Variants in PTPRD observed in about 807,000 individuals in gnomAD.
PTPRD encodes the protein receptor-type tyrosine-protein phosphatase delta.
Under a neutral mutation model 214.5 loss-of-function variants are expected in PTPRD, and 34 were observed. The observed-to-expected ratio is 0.16, with a 90% CI of 0.12 to 0.21. PTPRD has a LOEUF of 0.21. Among genes scored for constraint, PTPRD ranks in the 10% least tolerant of loss-of-function variants. PTPRD has a pLI of 1.00. For missense variants in PTPRD, 2,545 were observed against 2,398.7 expected (o/e 1.06, Z -1.27); for synonymous variants, 1,128 against 845.7 (o/e 1.33, Z -5.79).
At chr9:8,329,598 G>A (rs191130104) in intron 44 of PTPRD, among the ~76,000 whole-genome samples, 199 of 152,284 alleles carry the variant, frequency 1.3e-3, no homozygotes, top group African/African-American at 4.7e-3. Context: ...GTTTACGTCT[G>A]CTGAAGCTGT....
chr9:10,111,723 T>C (rs1591466278), intron 3 of PTPRD, among the ~76,000 whole-genome samples: 1 of 152,220 alleles, frequency 6.6e-6, no homozygotes, highest in Admixed American at 6.5e-5. Flanking sequence ...AAAAATATCA[T>C]GGATTTTATA....
chr9:9,222,718 A>C (rs73388853), intron 9 of PTPRD, among the ~76,000 whole-genome samples: 10,447 of 152,104 alleles, frequency 0.069, 401 homozygotes, highest in African/African-American at 0.095. Flanking sequence ...TATTAGCATT[A>C]GGAGATCACT....
chr9:8,485,990 C>T lies in PTPRD; in HGVS notation c.2827G>A (p.Val943Ile), dbSNP rs2135935140. 1 of 1,614,176 alleles carries T rather than the reference C, an allele frequency of 6.2e-7. No homozygotes were observed. Among genetic ancestry groups the T allele is most frequent in the Non-Finnish European group, 8.5e-7 (1 of 1,180,032 alleles). The change falls in exon 28 of 46, where the codon GTC becomes ATC. Residue 943 changes from valine to isoleucine, a missense_variant. Physicochemically the swap from Val to Ile is conservative, Grantham distance 29 (BLOSUM62 3). Coordinates refer to ENST00000381196, the MANE Select transcript of PTPRD (RefSeq NM_002839.4). ...TSVQLSWQPP[V>I]LAERNGIITK... is the part of the protein sequence containing the mutation. The stretch of plus-strand genomic sequence containing the variant: ...ATAATGCCATTTCTCTCTGCCAGGA[C>T]AGGTGGTTGCCAAGATAACTGGACG...
chr9:9,509,336 C>T (rs2096644590), intron 8 of PTPRD, among the ~76,000 whole-genome samples: 1 of 151,366 alleles, frequency 6.6e-6, no homozygotes, highest in African/African-American at 2.4e-5. Flanking sequence ...ATTGACCCTC[C>T]TACTATTAAA....
intron 3 of PTPRD, among the ~76,000 whole-genome samples, chr9:10,278,141 G>A (rs1384682537): frequency 1.4e-5 from 2 of 141,182 alleles, no homozygotes; most frequent in East Asian, 3.9e-4. Flanking sequence ...GGGCGACAGA[G>A]CGAGACTCTG....
intron 9 of PTPRD, among the ~76,000 whole-genome samples, chr9:9,346,796 T>C (rs1569567569): frequency 6.6e-6 from 1 of 151,898 alleles, no homozygotes. Context: ...GGGTTCAAGA[T>C]ATTCTCCTGC....
intron 5 of PTPRD, among the ~76,000 whole-genome samples, chr9:9,890,352 C>G (rs572652252): frequency 6.6e-6 from 1 of 151,838 alleles, no homozygotes; most frequent in Non-Finnish European, 1.5e-5. Flanking sequence ...GTTCCCTCCA[C>G]GCCTGGCTAT....
At chr9:9,498,074 C>T (rs960499510) in intron 8 of PTPRD, among the ~76,000 whole-genome samples, 1 of 152,088 alleles carries the variant, frequency 6.6e-6, no homozygotes, top group Admixed American at 6.6e-5. Context: ...AATTGGAATC[C>T]ATGAAGGAGC....
intron 5 of PTPRD, among the ~76,000 whole-genome samples, chr9:9,899,061 A>T (rs560001872): frequency 1.3e-5 from 2 of 152,270 alleles, no homozygotes; most frequent in East Asian, 3.9e-4. Flanking sequence ...ACACAAGGTC[A>T]ATACACAAAA....
chr9:8,546,771 G>A (rs182063206), intron 14 of PTPRD, among the ~76,000 whole-genome samples: 1 of 152,292 alleles, frequency 6.6e-6, no homozygotes, highest in Admixed American at 6.5e-5. Flanking sequence ...AAAGTCCTGG[G>A]ATTCCAGGCG....
intron 39 of PTPRD, among the ~76,000 whole-genome samples, chr9:8,371,501 T>C (rs1337265777): frequency 2.0e-5 from 3 of 151,996 alleles, no homozygotes; most frequent in Non-Finnish European, 2.9e-5. Flanking sequence ...TTACAGAATA[T>C]TTAATTCTTC....
chr9:9,221,296 G>A (rs2099955832), intron 9 of PTPRD, among the ~76,000 whole-genome samples: 2 of 152,074 alleles, frequency 1.3e-5, no homozygotes, highest in South Asian at 4.1e-4. Context: ...CGGAGCAACA[G>A]GAGAAAACTT....
intron 10 of PTPRD, among the ~76,000 whole-genome samples, chr9:9,065,063 G>T (rs946047638): frequency 6.6e-6 from 1 of 152,136 alleles, no homozygotes; most frequent in Non-Finnish European, 1.5e-5. Flanking sequence ...ACATGAAATA[G>T]GCATTCCCAT....
chr9:10,095,332 G>C (rs1172825901), intron 3 of PTPRD, among the ~76,000 whole-genome samples: 6 of 151,336 alleles, frequency 4.0e-5, no homozygotes, highest in African/African-American at 1.2e-4. Flanking sequence ...CTTTTTCCAG[G>C]AGTCTGGAAA....
intron 14 of PTPRD, among the ~76,000 whole-genome samples, chr9:8,547,757 T>C (rs543636726): frequency 2.0e-5 from 3 of 152,118 alleles, no homozygotes; most frequent in African/African-American, 7.2e-5. Context: ...CACAAAGATA[T>C]ATACCCACAC....
At chr9:8,675,935 C>A (rs564466099) in intron 12 of PTPRD, among the ~76,000 whole-genome samples, 61 of 152,262 alleles carry the variant, frequency 4.0e-4, no homozygotes, top group African/African-American at 1.3e-3. Context: ...CTGCAATGTG[C>A]TCCTGGTCCC....
At chr9:10,456,296 A>G (rs777814222) in intron 2 of PTPRD, among the ~76,000 whole-genome samples, 2 of 151,954 alleles carry the variant, frequency 1.3e-5, no homozygotes, top group Non-Finnish European at 2.9e-5. Context: ...TAAAAACCTG[A>G]TAATAATTTT....
chr9:9,153,926 T>G (rs1463866095), intron 10 of PTPRD, among the ~76,000 whole-genome samples: 1 of 152,314 alleles, frequency 6.6e-6, no homozygotes, highest in East Asian at 1.9e-4. Flanking sequence ...GTTATTGTTC[T>G]GCAAATATTC....
chr9:8,933,577 C>A (rs576267450), intron 11 of PTPRD, among the ~76,000 whole-genome samples: 2 of 151,832 alleles, frequency 1.3e-5, no homozygotes, highest in Non-Finnish European at 2.9e-5. Flanking sequence ...ATTCAGTGAG[C>A]TAATGGATAC....
Sources: gnomAD v4.1 joint callset for allele counts (sites outside exome capture counted in the v4.1 genomes callset) on GRCh38, gnomAD v4.1.1 for gene constraint, MANE v1.5 for transcripts, NCBI Gene and HGNC (gene_info 2026-07-23, HGNC 2026-07-21) for gene names.